The following ARHGAP23 variants were observed in gnomAD, a reference collection of about 807,000 sequenced individuals.
The protein encoded by ARHGAP23 is rho GTPase-activating protein 23.
A neutral mutation model predicts 136.3 loss-of-function variants in ARHGAP23; 34 were observed. The observed-to-expected ratio is 0.25, with a 90% CI of 0.19 to 0.33. The LOEUF is 0.33. Among genes scored for constraint, ARHGAP23 ranks in the 10% least tolerant of loss-of-function variants. ARHGAP23 has a pLI of 1.00. For missense variants in ARHGAP23, 1,808 were observed against 2,139.0 expected (o/e 0.85, Z 3.05); for synonymous variants, 832 against 920.5 (o/e 0.90, Z 1.74).
upstream of ARHGAP23, among the ~76,000 whole-genome samples, chr17:38,425,259 C>T (rs1241664797): frequency 3.3e-5 from 5 of 152,156 alleles, no homozygotes; most frequent in South Asian, 4.2e-4. Context: ...ATGCCGATGC[C>T]GGAGCCTGCT....
intron 1 of ARHGAP23, among the ~76,000 whole-genome samples, chr17:38,430,840 C>T (rs1417925779): frequency 6.6e-6 from 1 of 152,062 alleles, no homozygotes; most frequent in Non-Finnish European, 1.5e-5. Flanking sequence ...TGCCTGGAAA[C>T]AAAAAATGTG....
At chr17:38,453,415 A>ATGCG (rs879895319) in intron 1 of ARHGAP23, among the ~76,000 whole-genome samples, 13 of 89,548 alleles carry the variant, frequency 1.5e-4, no homozygotes, top group East Asian at 3.4e-4. Context: ...GCGCGCGCGT[A>ATGCG]TGCGTGCGTG....
At chr17:38,481,053 G>T (rs2040027215) in intron 14 of ARHGAP23, among the ~76,000 whole-genome samples, 1 of 151,358 alleles carries the variant, frequency 6.6e-6, no homozygotes, top group Admixed American at 6.6e-5. Flanking sequence ...TCAGCTCATT[G>T]CAACCTCCAC....
Position 38,482,287 on chromosome 17 carries a change from C to T in ARHGAP23, c.2751+144C>T, listed in dbSNP as rs141501566. 9.3e-4 allele frequency: 1,308 copies of T among 1,405,028 alleles called. 5 individuals are homozygous for T. The highest frequency in any genetic ancestry group is 2.8e-3 in the Middle Eastern group (11 of 3,962). The allele number at this position is 1,405,028 out of a possible 1,614,324, so 87.0% of individuals were successfully genotyped here. The stretch of plus-strand genomic sequence containing the variant: ...AACAGCCCAGAGAGGGGAAGGCCCC[C>T]GCCTGCCCCGGGCCTCCCAGGGAGG... On this transcript the variant is annotated intron_variant, in intron 15 of 23. Transcript: ENST00000622683.
chr17:38,423,263 A>G (rs1435412251), intron 1 of ARHGAP23, among the ~76,000 whole-genome samples: 1 of 149,046 alleles, frequency 6.7e-6, no homozygotes, highest in African/African-American at 2.5e-5. Context: ...CATGATCTCG[A>G]CTCACTGCAG....
chr17:38,480,422 A>T (rs1482120758), intron 14 of ARHGAP23, among the ~76,000 whole-genome samples: 1 of 152,168 alleles, frequency 6.6e-6, no homozygotes, highest in Admixed American at 6.5e-5. Flanking sequence ...TCACGAGGTC[A>T]GGAGATCGAG....
chr17:38,463,301 A>G (rs2039505428), intron 5 of ARHGAP23, 27 bp from the exon 6 acceptor site: 1 of 1,551,490 alleles, frequency 6.4e-7, no homozygotes, highest in Non-Finnish European at 8.7e-7. Flanking sequence ...TCCTTGACCC[A>G]GCCTGACGTT....
chr17:38,468,719 T>G (rs1411485580), intron 7 of ARHGAP23, among the ~76,000 whole-genome samples: 1 of 152,160 alleles, frequency 6.6e-6, no homozygotes, highest in Non-Finnish European at 1.5e-5. Context: ...GAGCCCCAGC[T>G]GATGGGGGAG....
chr17:38,452,822 C>T (rs928979009), intron 1 of ARHGAP23, among the ~76,000 whole-genome samples: 7 of 152,192 alleles, frequency 4.6e-5, no homozygotes, highest in African/African-American at 9.7e-5. Context: ...CACAACATGG[C>T]GCTTCCCATC....
At chr17:38,423,561 T>C (rs1036597667), upstream of ARHGAP23, among the ~76,000 whole-genome samples, 2 of 152,058 alleles carry the variant, frequency 1.3e-5, no homozygotes. Flanking sequence ...TTAGTAGAGA[T>C]GGGATTTCAC....
At chr17:38,505,758 G>A (rs1307331344) in intron 23 of ARHGAP23, among the ~76,000 whole-genome samples, 15 of 152,154 alleles carry the variant, frequency 9.9e-5, no homozygotes, top group East Asian at 9.7e-4. Context: ...GCAAAACCCC[G>A]TCTCTACTAA....
chr17:38,422,199 A>C (rs1368809426), intron 1 of ARHGAP23, among the ~76,000 whole-genome samples: 1 of 152,222 alleles, frequency 6.6e-6, no homozygotes, highest in Admixed American at 6.5e-5. Flanking sequence ...CAAGCTACTT[A>C]GCCTCTCTGT....
At chr17:38,434,579 G>T (rs1375423714) in intron 1 of ARHGAP23, among the ~76,000 whole-genome samples, 1 of 152,222 alleles carries the variant, frequency 6.6e-6, no homozygotes, top group East Asian at 1.9e-4. Flanking sequence ...GTTGGTCGGA[G>T]GTGTGTGGGC....
chr17:38,486,194 C>A, intron 17 of ARHGAP23, 54 bp downstream of exon 17: 1 of 1,428,164 alleles, frequency 7.0e-7, no homozygotes, highest in Non-Finnish European at 9.6e-7. Flanking sequence ...GTGCCTCACC[C>A]TGACCACTAC....
intron 23 of ARHGAP23, among the ~76,000 whole-genome samples, chr17:38,506,998 C>T (rs1340888874): frequency 3.9e-5 from 6 of 152,008 alleles, no homozygotes; most frequent in Admixed American, 1.3e-4. Flanking sequence ...GCTGTGGGCG[C>T]AGTGGCTGAT....
chr17:38,440,692 G>T (rs1235639866), intron 1 of ARHGAP23, among the ~76,000 whole-genome samples: 1 of 152,260 alleles, frequency 6.6e-6, no homozygotes, highest in Non-Finnish European at 1.5e-5. Context: ...CTCTGAAGGT[G>T]ACTGCTTTCT....
chr17:38,460,114 C>T (rs1056356442), intron 2 of ARHGAP23, among the ~76,000 whole-genome samples: 6 of 152,178 alleles, frequency 3.9e-5, no homozygotes, highest in African/African-American at 1.4e-4. Flanking sequence ...TAGCCTGTTC[C>T]TCTGACCTCC....
In ARHGAP23 at chr17:38,469,797, G is replaced by A. The variant is rs760586209; in HGVS notation, c.1917-50G>A. 3.9e-6 allele frequency: 6 copies of A among 1,546,680 alleles called. 1 individual carries two copies. In the South Asian group the frequency reaches 6.0e-5, roughly 15 times the overall value. ...GGTTTGGTGGGTGACGAGATAGTGAGGTCCCAGCTTTGCTGCCCACATCCC... is the reference window on the plus strand; with the variant it reads ...GGTTTGGTGGGTGACGAGATAGTGAAGTCCCAGCTTTGCTGCCCACATCCC... On this transcript the variant is annotated intron_variant, in intron 9 of 23. Coordinates refer to ENST00000622683, the MANE Select transcript of ARHGAP23 (RefSeq NM_001199417.2).
intron 11 of ARHGAP23, among the ~76,000 whole-genome samples, chr17:38,474,414 C>G (rs1471664573): frequency 1.3e-5 from 2 of 152,010 alleles, no homozygotes; most frequent in Admixed American, 1.3e-4. Context: ...GGCTTGCCGG[C>G]TGCTGGGAGG....
Sources: gnomAD v4.1 joint callset for allele counts (sites outside exome capture counted in the v4.1 genomes callset) on GRCh38, gnomAD v4.1.1 for gene constraint, MANE v1.5 for transcripts, NCBI Gene and HGNC (gene_info 2026-07-23, HGNC 2026-07-21) for gene names.